The following CDK12 variants were observed in gnomAD, a reference collection of about 807,000 sequenced individuals.
The protein encoded by CDK12 is cyclin dependent kinase 12.
Under a neutral mutation model 133.8 loss-of-function variants are expected in CDK12, and 17 were observed. That is an observed-to-expected ratio of 0.13 (90% CI 0.09 to 0.19). CDK12 has a LOEUF of 0.19. Ranked by LOEUF, CDK12 falls within the 10% of genes least tolerant of loss-of-function variation. The probability of loss-of-function intolerance (pLI) is 1.00; values close to 1 mark genes in which losing one functional copy is unlikely to be tolerated. For synonymous variants in CDK12, 694 were observed against 683.6 expected (o/e 1.02, Z -0.24); for missense variants, 1,508 against 1,818.7 (o/e 0.83, Z 3.11).
At chr17:39,493,171 T>G (rs1008766968) in intron 4 of CDK12, among the ~76,000 whole-genome samples, 1 of 150,504 alleles carries the variant, frequency 6.6e-6, no homozygotes, top group Admixed American at 6.7e-5. Context: ...TTTTTGTTTT[T>G]TTTTTTTTTT....
intron 6 of CDK12, among the ~76,000 whole-genome samples, chr17:39,507,796 C>T (rs1366941061): frequency 6.6e-6 from 1 of 152,160 alleles, no homozygotes; most frequent in Non-Finnish European, 1.5e-5. Flanking sequence ...GAGGAATCAT[C>T]TTTGTCTTAA....
At chr17:39,465,251 TA>T (rs35826660) in intron 1 of CDK12, among the ~76,000 whole-genome samples, 97 of 121,252 alleles carry the variant, frequency 8.0e-4, no homozygotes, top group Middle Eastern at 4.6e-3. Flanking sequence ...GACTCAGTCT[TA>T]AAAAAAAAAA....
intron 2 of CDK12, among the ~76,000 whole-genome samples, chr17:39,477,214 T>C (rs2050281230): frequency 6.7e-6 from 1 of 149,782 alleles, no homozygotes; most frequent in Non-Finnish European, 1.5e-5. Context: ...ATTTTTGTTT[T>C]TGTTTTAGAT....
In CDK12 at chr17:39,508,997, CA is replaced by C. The variant is rs36130789; in HGVS notation, c.2610-690del. Among the ~76,000 whole-genome samples the C allele has an allele frequency of 3.5e-3, 419 of 120,696 alleles. 1 individual carries two copies. Among genetic ancestry groups the C allele is most frequent in the African/African-American group, 0.01 (318 of 30,740 alleles). 79.2% of individuals were successfully genotyped at this position (120,696 alleles called of 152,430 possible). A position where few individuals can be genotyped will look rare whatever the true frequency, so the allele number is the denominator to read the frequency against. On this transcript the variant is annotated intron_variant, in intron 6 of 13. Transcript: ENST00000447079. ...TAGGTAATAGAGTGAGACTCTGTCT[CA>C]AAAAAAAAAAAAAAAAATCAGCAGA... is the stretch of plus-strand genomic sequence containing the variant.
At chr17:39,554,893 CAAAA>C (rs11367982) in intron 2 of CDK12, among the ~76,000 whole-genome samples, 3 of 87,336 alleles carry the variant, frequency 3.4e-5, no homozygotes, top group Admixed American at 1.2e-4. Flanking sequence ...GACTCCGTCT[CAAAA>C]AAAAAAAAAA....
At chr17:39,479,670 A>G (rs534237634) in intron 2 of CDK12, among the ~76,000 whole-genome samples, 22 of 148,464 alleles carry the variant, frequency 1.5e-4, no homozygotes, top group Non-Finnish European at 2.4e-4. Flanking sequence ...TCTGTTGCCC[A>G]GGCTAGGATG....
At chr17:39,509,898 C>A in intron 7 of CDK12, 137 bp downstream of exon 7, 1 of 675,610 alleles carries the variant, frequency 1.5e-6, no homozygotes, top group Non-Finnish European at 2.6e-6. Context: ...CCTCTGTGGG[C>A]TCAGGTGATT....
In CDK12 at chr17:39,480,033, C is replaced by T. The variant is rs546006084; in HGVS notation, c.1931+8270C>T. Among the ~76,000 whole-genome samples, 10 of 151,002 alleles carry T rather than the reference C, an allele frequency of 6.6e-5. No individual in the cohort carries two copies. In the South Asian group the frequency reaches 2.1e-3, roughly 32 times the overall value. ...CCACTTCCTGGGTTCAAGCGATTTTCCTGCCTCAGCTGCCTGAGTAGCTGG... is the reference window on the plus strand; with the variant it reads ...CCACTTCCTGGGTTCAAGCGATTTTTCTGCCTCAGCTGCCTGAGTAGCTGG... On this transcript the variant is annotated intron_variant, in intron 2 of 13. Coordinates refer to ENST00000447079, the MANE Select transcript of CDK12 (RefSeq NM_016507.4).
intron 2 of CDK12, among the ~76,000 whole-genome samples, chr17:39,487,854 A>T (rs1310126152): frequency 2.0e-5 from 3 of 152,020 alleles, no homozygotes; most frequent in Admixed American, 6.6e-5. Context: ...GGCTCAACTG[A>T]TCCGCCTGCC....
chr17:39,520,011 A>G lies in CDK12; in HGVS notation c.3019A>G (p.Lys1007Glu). ...LDHMLTLDPS[K>E]RCTAEQTLQS... ...CCACATGCTGACACTAGATCCTAGT[A>G]AGCGGTGCACAGCTGAACAGACCCT... The change falls in exon 11 of 14, where the codon AAG becomes GAG. Residue 1007 changes from lysine to glutamate, a missense_variant. Physicochemically the swap from Lys to Glu is moderately conservative, Grantham distance 56. Around this residue, in one of 9 missense-constraint regions of CDK12, gnomAD observed 82 missense variants for 201.5 expected, o/e 0.41. Transcript: ENST00000447079. The G allele has an allele frequency of 6.2e-7, 1 of 1,614,082 alleles. No homozygotes were observed. Among genetic ancestry groups the G allele is most frequent in the South Asian group, 1.1e-5 (1 of 91,078 alleles).
intron 2 of CDK12, among the ~76,000 whole-genome samples, chr17:39,479,309 A>G (rs2050454741): frequency 3.8e-5 from 1 of 26,550 alleles, no homozygotes; most frequent in African/African-American, 5.8e-5. Context: ...ACTCCGTCTG[A>G]AAAAAAAAAA....
Position 39,534,236 on chromosome 17 carries a change from A to G in CDK12, c.*2920A>G. 1 of 232,978 alleles carries G rather than the reference A, an allele frequency of 4.3e-6. No individual in the cohort carries two copies. The highest frequency in any genetic ancestry group is 8.5e-6 in the Non-Finnish European group (1 of 117,824). The allele number at this position is 232,978 out of a possible 1,614,324, so 14.4% of individuals were successfully genotyped here. Reference sequence around the variant, plus strand: ...CAAATTTGCAAGTAGAACTTCTATTAGCTTATGCCATAGACATCACCCAAC... The same window carrying G: ...CAAATTTGCAAGTAGAACTTCTATTGGCTTATGCCATAGACATCACCCAAC... On this transcript the variant is annotated 3_prime_UTR_variant, in exon 14 of 14. Coordinates refer to ENST00000447079, the MANE Select transcript of CDK12 (RefSeq NM_016507.4).
rs139499328 is a variant in CDK12 at position 39,471,272 on chromosome 17, A to G, written c.1440A>G (p.Lys480=). The G allele has an allele frequency of 1.1e-5, 18 of 1,612,652 alleles. No homozygotes were observed. In the Admixed American group the frequency reaches 2.2e-4, roughly 20 times the overall value. ...TAAAAAATTCTTCAGATACAGGGAA[A>G]GTAAAGTTGGATGAGAACTCCGAGA... ...TEVKNSSDTG[K]VKLDENSEKH... The change falls in exon 2 of 14, where the codon AAA becomes AAG. Residue 480 remains lysine, a synonymous_variant. Transcript: ENST00000447079.
At chr17:39,511,370 T>A (rs1230180489) in intron 7 of CDK12, among the ~76,000 whole-genome samples, 159 bp from the exon 8 acceptor site, 1 of 152,120 alleles carries the variant, frequency 6.6e-6, no homozygotes, top group Non-Finnish European at 1.5e-5. Flanking sequence ...CTTCATCTCC[T>A]ACTTCTGAAC....
intron 12 of CDK12, among the ~76,000 whole-genome samples, 189 bp downstream of exon 12, chr17:39,525,074 G>A (rs2054413867): frequency 6.6e-6 from 1 of 152,208 alleles, no homozygotes; most frequent in African/African-American, 2.4e-5. Flanking sequence ...GGTCCAGAAA[G>A]TCTACAATAG....
chr17:39,532,809 G>C lies in CDK12; in HGVS notation c.*1493G>C, dbSNP rs901303820. The stretch of plus-strand genomic sequence containing the variant: ...AAAAAGGGAAGGGCTGTCAGGATGG[G>C]ATAATTTGGGAGGCTTCTCATTCTG... On this transcript the variant is annotated 3_prime_UTR_variant, in exon 14 of 14. Transcript: ENST00000447079. 2.6e-5 allele frequency: 6 copies of C among 232,718 alleles called. No homozygotes were observed. In the South Asian group the frequency reaches 5.4e-4, roughly 21 times the overall value. 14.4% of individuals were successfully genotyped at this position (232,718 alleles called of 1,614,324 possible).
In CDK12 at chr17:39,563,019, T is replaced by C. The variant is rs557387922; in HGVS notation, n.485-1741T>C. ...TGGGAAAATGTCCTTGGAAGACGAA[T>C]GCATTTTCAGCAGAATAATTAACTT... On this transcript the variant is annotated intron_variant and non_coding_transcript_variant, in intron 3 of 3. Coordinates refer to the CDK12 transcript ENST00000558240. 1.9e-4 allele frequency among the ~76,000 whole-genome samples: 29 copies of C among 151,386 alleles called. No homozygotes were observed. In the East Asian group the frequency reaches 5.3e-3, roughly 27 times the overall value.
At chr17:39,501,171 T>G in intron 5 of CDK12, 79 bp from the exon 6 acceptor site, 1 of 1,041,362 alleles carries the variant, frequency 9.6e-7, no homozygotes, top group Non-Finnish European at 1.4e-6. Flanking sequence ...AACTCCAAAA[T>G]TATATTAGGA....
Position 39,462,128 on chromosome 17 carries a change from A to C in CDK12, c.57A>C (p.Gly19=). 1.2e-6 allele frequency: 2 copies of C among 1,614,144 alleles called. No individual in the cohort carries two copies. The highest frequency in any genetic ancestry group is 1.1e-5 in the South Asian group (1 of 91,080). ...AGGACGGGAGTGGAGGAGCTTCTGG[A>C]ACTTTGCAGCCGTCATCGGGAGGCG... The part of the protein sequence containing the change: ...GKKDGSGGAS[G]TLQPSSGGGS... The change falls in exon 1 of 14, where the codon GGA becomes GGC. Residue 19 remains glycine (G), a synonymous_variant. Coordinates refer to ENST00000447079, the MANE Select transcript of CDK12 (RefSeq NM_016507.4).
Sources: allele counts gnomAD v4.1 joint callset (sites outside exome capture counted in the v4.1 genomes callset), GRCh38; gene constraint gnomAD v4.1.1; regional missense constraint gnomAD v4.1.1; transcripts MANE v1.5; gene names NCBI Gene and HGNC (gene_info 2026-07-23, HGNC 2026-07-21).